Variants in NGF observed in about 807,000 individuals in gnomAD.
NGF encodes nerve growth factor, also known as beta-nerve growth factor.
NGF carries 4 observed loss-of-function variants against 12.8 expected under a neutral mutation model. The observed-to-expected ratio is 0.31, with a 90% CI of 0.15 to 0.72. The LOEUF is 0.72. NGF is among the 30% of genes least tolerant of loss of function. The probability of loss-of-function intolerance (pLI) is 0.69; values close to 1 mark genes in which losing one functional copy is unlikely to be tolerated. For synonymous variants in NGF, 140 were observed against 130.0 expected, an observed-to-expected ratio of 1.08 and a Z score of -0.52; for missense variants, 283 against 330.8, an observed-to-expected ratio of 0.86 and a Z score of 1.12.
chr1:115,290,343 T>C (rs1653649368), intron 2 of NGF, among the ~76,000 whole-genome samples: 1 of 148,226 alleles, frequency 6.7e-6, no homozygotes, highest in Non-Finnish European at 1.5e-5. Flanking sequence ...CTGCTTCCCC[T>C]GGGGAGCTTT....
chr1:115,296,107 G>A (rs1285887896), intron 1 of NGF, among the ~76,000 whole-genome samples: 1 of 151,874 alleles, frequency 6.6e-6, no homozygotes, highest in Non-Finnish European at 1.5e-5. Flanking sequence ...GGTAACATCT[G>A]AGCAGGGTTC....
At chr1:115,320,635 C>T (rs998911498) in intron 1 of NGF, among the ~76,000 whole-genome samples, 5 of 152,262 alleles carry the variant, frequency 3.3e-5, no homozygotes, top group East Asian at 1.9e-4. Flanking sequence ...TTCAGAATGG[C>T]GCACAATTTA....
intron 1 of NGF, among the ~76,000 whole-genome samples, chr1:115,294,218 A>G (rs1242911612): frequency 2.0e-5 from 3 of 152,230 alleles, no homozygotes; most frequent in Non-Finnish European, 4.4e-5. Flanking sequence ...CAGATGAGTA[A>G]TGGTGACAAA....
At chr1:115,325,497 A>T (rs1259382033) in intron 1 of NGF, among the ~76,000 whole-genome samples, 1 of 152,168 alleles carries the variant, frequency 6.6e-6, no homozygotes, top group Non-Finnish European at 1.5e-5. Flanking sequence ...AGGTGGTCAC[A>T]GATATTGCCA....
At chr1:115,289,425 C>T (rs950191984) in intron 2 of NGF, among the ~76,000 whole-genome samples, 1 of 152,142 alleles carries the variant, frequency 6.6e-6, no homozygotes, top group Non-Finnish European at 1.5e-5. Context: ...GAGGTTCCCA[C>T]TTCATTCTTG....
intron 2 of NGF, among the ~76,000 whole-genome samples, chr1:115,289,097 G>C (rs910774735): frequency 6.6e-6 from 1 of 152,154 alleles, no homozygotes; most frequent in African/African-American, 2.4e-5. Flanking sequence ...GCATATCTGG[G>C]GTTTTGACCA....
chr1:115,333,140 C>A (rs897907410), intron 1 of NGF, among the ~76,000 whole-genome samples: 4 of 152,148 alleles, frequency 2.6e-5, no homozygotes, highest in African/African-American at 7.2e-5. Flanking sequence ...TCCCTGGGCT[C>A]ACTTAGCAAC....
intron 1 of NGF, among the ~76,000 whole-genome samples, chr1:115,302,652 A>G (rs1424090167): frequency 6.6e-6 from 1 of 152,214 alleles, no homozygotes; most frequent in Non-Finnish European, 1.5e-5. Flanking sequence ...CTGTAAAGGA[A>G]GCTGCACCTC....
At chr1:115,336,812 TACTGATGGGGTCTCC>T (rs1204935493) in intron 1 of NGF, among the ~76,000 whole-genome samples, 3 of 152,194 alleles carry the variant, frequency 2.0e-5, no homozygotes, top group African/African-American at 7.2e-5. Flanking sequence ...GGAGAGAAGT[TACTGATGGGGTCTCC>T]ACTGTCATTT....
chr1:115,313,735 C>G (rs1042136206), intron 1 of NGF, among the ~76,000 whole-genome samples: 2 of 152,088 alleles, frequency 1.3e-5, no homozygotes, highest in African/African-American at 4.8e-5. Flanking sequence ...CATTCTATTG[C>G]CATGAGGATA....
intron 1 of NGF, among the ~76,000 whole-genome samples, chr1:115,316,955 T>C (rs1482428894): frequency 1.3e-5 from 2 of 152,166 alleles, no homozygotes; most frequent in African/African-American, 4.8e-5. Context: ...TCAGAGATAA[T>C]GAATATTAAT....
intron 2 of NGF, among the ~76,000 whole-genome samples, chr1:115,291,175 T>A (rs764069775): frequency 2.0e-5 from 3 of 152,142 alleles, no homozygotes; most frequent in Non-Finnish European, 4.4e-5. Flanking sequence ...AGGTTTAAAG[T>A]TTTTTTAAAA....
In NGF at chr1:115,333,279, A is replaced by G. The variant is rs146260062; in HGVS notation, c.-137+4925T>C. Among the ~76,000 whole-genome samples the G allele has an allele frequency of 3.4e-3, 514 of 152,304 alleles. 2 individuals carry two copies. The highest frequency in any genetic ancestry group is 0.011 in the African/African-American group (476 of 41,554). On this transcript the variant is annotated intron_variant, in intron 1 of 2. Transcript: ENST00000369512. Reference sequence around the variant, plus strand: ...GTGGTTATTGGGAAACTGTTCCTGTAGTAGTGGATTGAAATTGCCCAATGT... The same window carrying G: ...GTGGTTATTGGGAAACTGTTCCTGTGGTAGTGGATTGAAATTGCCCAATGT...
At chr1:115,293,371 A>C (rs1653763867) in intron 2 of NGF, among the ~76,000 whole-genome samples, 1 of 152,198 alleles carries the variant, frequency 6.6e-6, no homozygotes, top group South Asian at 2.1e-4. Flanking sequence ...GTGTTCGGCA[A>C]CTTTAGACCC....
chr1:115,286,035 G>T lies in NGF; in HGVS notation c.*35C>A. 6.2e-7 allele frequency: 1 copy of T among 1,610,880 alleles called. No homozygotes were observed. The stretch of plus-strand genomic sequence containing the variant: ...GAGGTAGGGAGGGGCCCAGGAGAGT[G>T]TAGAAGGGGCAGGGGGAGGGAGCGT... On this transcript the variant is annotated 3_prime_UTR_variant, in exon 3 of 3. Coordinates refer to ENST00000369512, the MANE Select transcript of NGF (RefSeq NM_002506.3).
intron 1 of NGF, among the ~76,000 whole-genome samples, chr1:115,308,577 TGTG>T (rs1162293090): frequency 1.3e-5 from 2 of 152,216 alleles, no homozygotes; most frequent in African/African-American, 4.8e-5. Context: ...GGCTGCCTGT[TGTG>T]GTGGAATTCT....
chr1:115,327,652 G>C (rs549004214), intron 1 of NGF, among the ~76,000 whole-genome samples: 13 of 152,296 alleles, frequency 8.5e-5, no homozygotes, highest in African/African-American at 3.1e-4. Flanking sequence ...AGAAAGGGTG[G>C]AAATACACTC....
intron 1 of NGF, 140 bp from the exon 2 acceptor site, chr1:115,293,890 G>C (rs1449840232): frequency 1.3e-5 from 2 of 152,620 alleles, no homozygotes; most frequent in African/African-American, 2.4e-5. Flanking sequence ...CCAGGAAGGA[G>C]CTAGAATTTG....
At chr1:115,304,911 G>A (rs1395307238) in intron 1 of NGF, among the ~76,000 whole-genome samples, 3 of 152,112 alleles carry the variant, frequency 2.0e-5, no homozygotes, top group Non-Finnish European at 2.9e-5. Context: ...CCTAGTGACT[G>A]CTGGGTCACT....
Sources: gnomAD v4.1 joint callset for allele counts (sites outside exome capture counted in the v4.1 genomes callset) on GRCh38, gnomAD v4.1.1 for gene constraint, MANE v1.5 for transcripts, NCBI Gene and HGNC (gene_info 2026-07-23, HGNC 2026-07-21) for gene names.